The following NME9 variants were observed in gnomAD, a reference collection of about 807,000 sequenced individuals.
NME9 encodes the protein NME/NM23 family member 9, also known as thioredoxin domain-containing protein 6.
Under a neutral mutation model 44.4 loss-of-function variants are expected in NME9, and 48 were observed. The observed-to-expected ratio is 1.08, with a 90% CI of 0.86 to 1.37. The LOEUF (loss-of-function observed/expected upper bound fraction) is 1.37. NME9 is among the 40% of genes most tolerant of loss of function. NME9 has a pLI of 0.00. For missense variants in NME9, 325 were observed against 405.2 expected (o/e 0.80, Z 1.70); for synonymous variants, 139 against 147.1 (o/e 0.94, Z 0.40).
chr3:138,329,737 G>A lies in NME9; in HGVS notation c.-402C>T. 9.6e-7 allele frequency: 1 copy of A among 1,043,154 alleles called. No homozygotes were observed. The highest frequency in any genetic ancestry group is 3.8e-5 in the South Asian group (1 of 26,386). The allele number at this position is 1,043,154 out of a possible 1,614,324, so 64.6% of individuals were successfully genotyped here. A position where few individuals can be genotyped will look rare whatever the true frequency, so the allele number is the denominator to read the frequency against. Reference sequence around the variant, plus strand: ...AACGACATGGGACCCTGTTATCCCTGCTGTTCTTATGGATTACTGGGAAAG... The same window carrying A: ...AACGACATGGGACCCTGTTATCCCTACTGTTCTTATGGATTACTGGGAAAG... On this transcript the variant is annotated 5_prime_UTR_variant, in exon 1 of 11. Coordinates refer to ENST00000333911, the MANE Select transcript of NME9 (RefSeq NM_001349018.2).
chr3:138,267,104 CTCATCT>C, intron 8 of NME9: 1 of 918,932 alleles, frequency 1.1e-6, no homozygotes, highest in South Asian at 1.7e-5. Flanking sequence ...CATTTTATAT[CTCATCT>C]TCATCATTCC....
chr3:138,329,817 C>G lies in NME9; in HGVS notation c.-482G>C. The G allele has an allele frequency of 1.0e-6, 1 of 986,478 alleles. No individual in the cohort carries two copies. The highest frequency in any genetic ancestry group is 1.2e-6 in the Non-Finnish European group (1 of 830,666). The allele number at this position is 986,478 out of a possible 1,614,324, so 61.1% of individuals were successfully genotyped here. On this transcript the variant is annotated 5_prime_UTR_variant, in exon 1 of 11. Coordinates refer to ENST00000333911, the MANE Select transcript of NME9 (RefSeq NM_001349018.2). ...CTTCGACGCGCCCGGAGTCACCAAC[C>G]GAGTCTGCCGCGACCTAGCCGCGGT...
intron 8 of NME9, among the ~76,000 whole-genome samples, chr3:138,292,506 A>T (rs1366418470): frequency 6.6e-6 from 1 of 152,196 alleles, no homozygotes; most frequent in Non-Finnish European, 1.5e-5. Context: ...TCAGGATTTA[A>T]TCTGAAGATA....
At chr3:138,265,239 C>T (rs2048166242) in intron 8 of NME9, among the ~76,000 whole-genome samples, 1 of 152,184 alleles carries the variant, frequency 6.6e-6, no homozygotes, top group South Asian at 2.1e-4. Flanking sequence ...GTTAGGTCTT[C>T]TCTTCAGGCC....
chr3:138,315,700 G>A (rs571283492), intron 4 of NME9, 57 bp from the exon 5 acceptor site: 1 of 1,335,228 alleles, frequency 7.5e-7, no homozygotes, highest in Non-Finnish European at 1.0e-6. Flanking sequence ...TCTCTTGTAA[G>A]AGATGGCAAG....
In NME9 at chr3:138,303,567, CTCTG is replaced by C; in HGVS notation, c.864_867del (p.Asp288GlufsTer10). The C allele has an allele frequency of 6.2e-7, 1 of 1,613,576 alleles. No homozygotes were observed. The highest frequency in any genetic ancestry group is 8.5e-7 in the Non-Finnish European group (1 of 1,179,438). ...AAACTGGGGAAGAGCAATGCCAGTT[CTCTG>C]TCAGCATCTTCTCTGTCCCGGCTTC... On this transcript the variant is annotated frameshift_variant, in exon 10 of 11. Transcript: ENST00000333911. LOFTEE classifies it high-confidence loss of function.
At chr3:138,294,787 G>A (rs2051310887) in intron 8 of NME9, among the ~76,000 whole-genome samples, 1 of 152,144 alleles carries the variant, frequency 6.6e-6, no homozygotes, top group African/African-American at 2.4e-5. Context: ...TAGTAAAGGA[G>A]GCCTCCTTGG....
chr3:138,301,871 A>G (rs375627763), intron 10 of NME9, among the ~76,000 whole-genome samples, 167 bp from the exon 11 acceptor site: 1 of 152,236 alleles, frequency 6.6e-6, no homozygotes, highest in African/African-American at 2.4e-5. Flanking sequence ...ATTAGAATGG[A>G]TAACATTGAG....
chr3:138,318,517 G>A (rs944109644), intron 3 of NME9, among the ~76,000 whole-genome samples: 3 of 151,956 alleles, frequency 2.0e-5, no homozygotes, highest in African/African-American at 7.3e-5. Flanking sequence ...TGACAACCGA[G>A]GTGAAGGTCC....
intron 4 of NME9, among the ~76,000 whole-genome samples, chr3:138,315,905 C>T (rs995853211): frequency 1.3e-5 from 2 of 152,102 alleles, no homozygotes; most frequent in Admixed American, 6.5e-5. Context: ...GACCTCGGCT[C>T]ACTACAAGCT....
At chr3:138,268,465 T>C (rs2048482871) in intron 8 of NME9, among the ~76,000 whole-genome samples, 1 of 152,142 alleles carries the variant, frequency 6.6e-6, no homozygotes, top group South Asian at 2.1e-4. Flanking sequence ...CCTTAACTGC[T>C]CTTATATTGC....
At chr3:138,276,397 A>G (rs2049296602) in intron 8 of NME9, among the ~76,000 whole-genome samples, 1 of 152,246 alleles carries the variant, frequency 6.6e-6, no homozygotes. Flanking sequence ...CTGCCCTTAA[A>G]TTGGGAACAA....
intron 2 of NME9, among the ~76,000 whole-genome samples, chr3:138,322,080 T>A (rs891063440): frequency 6.6e-6 from 1 of 152,056 alleles, no homozygotes; most frequent in East Asian, 1.9e-4. Flanking sequence ...TTGTTTTTTT[T>A]AATTTCAACC....
chr3:138,307,352 C>A (rs1459993413), intron 6 of NME9, among the ~76,000 whole-genome samples: 1 of 152,170 alleles, frequency 6.6e-6, no homozygotes, highest in African/African-American at 2.4e-5. Flanking sequence ...TCTCCATTGT[C>A]CTCCTGCTTA....
chr3:138,294,651 C>T (rs79881321), intron 8 of NME9, among the ~76,000 whole-genome samples: 2,626 of 152,232 alleles, frequency 0.017, 75 homozygotes, highest in African/African-American at 0.057. Context: ...TTAGTTTGAT[C>T]AGCTATTGTA....
At chr3:138,305,858 T>A in intron 8 of NME9, 146 bp downstream of exon 8, 1 of 664,042 alleles carries the variant, frequency 1.5e-6, no homozygotes, top group South Asian at 1.9e-5. Flanking sequence ...CTATTGTCAT[T>A]CTGAGAATAA....
intron 8 of NME9, among the ~76,000 whole-genome samples, chr3:138,295,044 G>T (rs764724663): frequency 6.6e-6 from 1 of 151,890 alleles, no homozygotes; most frequent in Non-Finnish European, 1.5e-5. Context: ...GATTACAGGT[G>T]CCCGCTGCCA....
chr3:138,262,474 G>A, exon 9 of NME9: 2 of 1,549,746 alleles, frequency 1.3e-6, no homozygotes, highest in Non-Finnish European at 1.7e-6. Context: ...CTTCTTGTTT[G>A]GCTGAAACAT....
chr3:138,327,533 A>T (rs2108471360), intron 1 of NME9, among the ~76,000 whole-genome samples: 1 of 152,274 alleles, frequency 6.6e-6, no homozygotes, highest in East Asian at 1.9e-4. Flanking sequence ...CTAAGCCTGC[A>T]TTTGGTAGGG....
Sources: allele counts gnomAD v4.1 joint callset (sites outside exome capture counted in the v4.1 genomes callset), GRCh38; gene constraint gnomAD v4.1.1; transcripts MANE v1.5; gene names NCBI Gene and HGNC (gene_info 2026-07-23, HGNC 2026-07-21).